The following DCP1A variants were observed in gnomAD, a reference collection of about 807,000 sequenced individuals.
DCP1A encodes the protein decapping mRNA 1A, also known as mRNA-decapping enzyme 1A.
A neutral mutation model predicts 58.0 loss-of-function variants in DCP1A; 20 were observed. The observed-to-expected ratio is 0.34, with a 90% CI of 0.24 to 0.50. The LOEUF is 0.50. Among genes scored for constraint, DCP1A ranks in the 20% least tolerant of loss-of-function variants. DCP1A has a pLI of 0.98. For missense variants in DCP1A, 613 were observed against 712.2 expected, an observed-to-expected ratio of 0.86 and a Z score of 1.59; for synonymous variants, 285 against 275.1, an observed-to-expected ratio of 1.04 and a Z score of -0.36.
intron 1 of DCP1A, among the ~76,000 whole-genome samples, chr3:53,346,439 G>A (rs782715562): frequency 2.6e-5 from 4 of 152,110 alleles, no homozygotes; most frequent in African/African-American, 4.8e-5. Flanking sequence ...TAAGGATTTC[G>A]TATCTTATTG....
In DCP1A at chr3:53,292,677, G is replaced by T; in HGVS notation, c.775C>A (p.Pro259Thr). Residue 259 changes from proline to threonine, a missense_variant, in exon 7 of 10, where the codon CCA becomes ACA. This residue lies in a region of DCP1A where 498 missense variants were observed against 556.7 expected (regional missense o/e 0.89). Coordinates refer to ENST00000610213, the MANE Select transcript of DCP1A (RefSeq NM_018403.7). Reference protein sequence around the residue: ...ASQKEPNSFLPFPFEQLGGAP... With the variant: ...ASQKEPNSFLTFPFEQLGGAP... ...CCTCCTAACTGCTCAAAGGGAAATG[G>T]TAGGAATGAATTGGGCTCTTTCTGG... 4 of 1,613,724 alleles carry T rather than the reference G, an allele frequency of 2.5e-6. No homozygotes were observed. The highest frequency in any genetic ancestry group is 2.5e-6 in the Non-Finnish European group (3 of 1,179,804).
At chr3:53,293,758 A>G (rs1426489592) in intron 6 of DCP1A, among the ~76,000 whole-genome samples, 5 of 152,270 alleles carry the variant, frequency 3.3e-5, no homozygotes, top group Non-Finnish European at 5.9e-5. Context: ...TATCAATATT[A>G]TAAGACTATG....
rs1167830951 is a variant in DCP1A, at chr3:53,314,667, C to CTTTTTTT, written c.372-2295_372-2289dup. ...AGAGAAGAATATTTCTTTTCTTTTTCTTTTTTTTTTTTTTTTTTTTTTGAG... is the reference window on the plus strand; with the variant it reads ...AGAGAAGAATATTTCTTTTCTTTTTCTTTTTTTTTTTTTTTTTTTTTTTTTTTTTGAG... On this transcript the variant is annotated intron_variant, in intron 4 of 9. Coordinates refer to ENST00000610213, the MANE Select transcript of DCP1A (RefSeq NM_018403.7). 7.8e-3 allele frequency among the ~76,000 whole-genome samples: 674 copies of CTTTTTTT among 86,632 alleles called. 3 individuals carry two copies. The highest frequency in any genetic ancestry group is 9.9e-3 in the Non-Finnish European group (464 of 46,740). 56.8% of individuals were successfully genotyped at this position (86,632 alleles called of 152,430 possible). A position where few individuals can be genotyped will look rare whatever the true frequency, so the allele number is the denominator to read the frequency against.
chr3:53,335,800 CT>C (rs1217711371), intron 3 of DCP1A, among the ~76,000 whole-genome samples: 30 of 151,846 alleles, frequency 2.0e-4, no homozygotes, highest in African/African-American at 2.2e-4. Context: ...TCAAATCTTC[CT>C]TTTTTTTAAT....
intron 7 of DCP1A, among the ~76,000 whole-genome samples, chr3:53,291,110 C>A (rs1256309742): frequency 1.4e-5 from 2 of 145,136 alleles, no homozygotes; most frequent in Non-Finnish European, 3.1e-5. Context: ...GGGGTGTGTG[C>A]AGAGCCTTTC....
chr3:53,293,788 G>A (rs782709486), intron 6 of DCP1A, among the ~76,000 whole-genome samples: 2 of 152,148 alleles, frequency 1.3e-5, no homozygotes, highest in Non-Finnish European at 2.9e-5. Flanking sequence ...CATTTCTACA[G>A]GAAAACAAAC....
chr3:53,332,705 A>G (rs1434114697), intron 3 of DCP1A, among the ~76,000 whole-genome samples: 1 of 152,110 alleles, frequency 6.6e-6, no homozygotes, highest in Non-Finnish European at 1.5e-5. Flanking sequence ...TTTACTAAAA[A>G]TACCAAAAAA....
rs782729017 is a variant in DCP1A, at chr3:53,288,224, G to A, written c.1509C>T (p.Ala503=). The A allele has an allele frequency of 6.2e-6, 10 of 1,613,810 alleles. No individual in the cohort carries two copies. Among genetic ancestry groups the A allele is most frequent in the Non-Finnish European group, 8.5e-6 (10 of 1,179,840 alleles). The change falls in exon 9 of 10, where the codon GCC becomes GCT. Residue 503 remains alanine (A), a synonymous_variant. Coordinates refer to ENST00000610213, the MANE Select transcript of DCP1A (RefSeq NM_018403.7). ...TAACTGTCTGCTGGAAAACACTTGG[G>A]GCCAGCAGGACTGAAGACACTGCAG... ...TTTAVSSVLL[A]PSVFQQTVTR...
rs1553686278 is a variant in DCP1A at position 53,292,569 on chromosome 3, T to G, written c.883A>C (p.Thr295Pro). The change falls in exon 7 of 10, where the codon ACT becomes CCT. Residue 295 changes from threonine to proline, a missense_variant. Around this residue, in one of 3 missense-constraint regions of DCP1A, gnomAD observed 498 missense variants for 556.7 expected, o/e 0.89. Transcript: ENST00000610213. The stretch of plus-strand genomic sequence containing the variant: ...TTGGACTGTGTGATGGAGGCTGGAG[T>G]GATTAGCACCGGGGTGGTGATTTCA... Reference protein sequence around the residue: ...QPEITTPVLITPASITQSNEK... With the variant: ...QPEITTPVLIPPASITQSNEK... 1 of 1,613,360 alleles carries G rather than the reference T, an allele frequency of 6.2e-7. No homozygotes were observed. The highest frequency in any genetic ancestry group is 1.1e-5 in the South Asian group (1 of 91,058).
At chr3:53,333,052 TTC>T (rs797025876) in intron 3 of DCP1A, 7 of 152,218 alleles carry the variant, frequency 4.6e-5, no homozygotes, top group African/African-American at 1.7e-4. Context: ...GGATTTTTTT[TTC>T]TTTTTTCTCC....
intron 7 of DCP1A, 145 bp from the exon 8 acceptor site, chr3:53,291,001 C>G (rs144668652): frequency 1.4e-6 from 1 of 734,286 alleles, no homozygotes; most frequent in South Asian, 1.7e-5. Flanking sequence ...TTCCTAGATT[C>G]CCAAGGGAAG....
chr3:53,315,874 C>A (rs1204358431), intron 4 of DCP1A, among the ~76,000 whole-genome samples: 1 of 151,116 alleles, frequency 6.6e-6, no homozygotes, highest in African/African-American at 2.4e-5. Flanking sequence ...CTGCCTCAGC[C>A]TCCTGAGTAG....
intron 3 of DCP1A, among the ~76,000 whole-genome samples, chr3:53,319,905 G>A (rs1360240462): frequency 3.3e-5 from 5 of 152,034 alleles, no homozygotes; most frequent in South Asian, 2.1e-4. Flanking sequence ...TGAGGTGGGC[G>A]GATCACTTGA....
chr3:53,298,914 A>C (rs1375197260), intron 6 of DCP1A, among the ~76,000 whole-genome samples: 1 of 152,242 alleles, frequency 6.6e-6, no homozygotes, highest in Non-Finnish European at 1.5e-5. Context: ...GTGTGTTACA[A>C]GTGCCTATAA....
chr3:53,307,762 T>A (rs1203524484), intron 5 of DCP1A, among the ~76,000 whole-genome samples: 1 of 152,216 alleles, frequency 6.6e-6, no homozygotes, highest in East Asian at 1.9e-4. Flanking sequence ...GATCTACCAA[T>A]TCCATTTAAA....
In DCP1A at chr3:53,284,199, A is replaced by C. The variant is rs982465252; in HGVS notation, c.*3381T>G. The C allele has an allele frequency of 6.6e-6, 1 of 152,174 alleles. No homozygotes were observed. 9.4% of individuals were successfully genotyped at this position (152,174 alleles called of 1,614,324 possible). ...CCCACTCGTGCCTGTGCCACCTCTC[A>C]TTCCTCTCAGAGTTACAGTATGATG... On this transcript the variant is annotated 3_prime_UTR_variant, in exon 10 of 10. Coordinates refer to ENST00000610213, the MANE Select transcript of DCP1A (RefSeq NM_018403.7).
intron 6 of DCP1A, among the ~76,000 whole-genome samples, chr3:53,294,393 G>A (rs994381972): frequency 1.3e-5 from 2 of 152,128 alleles, no homozygotes; most frequent in Non-Finnish European, 2.9e-5. Flanking sequence ...CTGGGTATTG[G>A]GTGGTGGTAT....
At position 53,347,475 on chromosome 3, in the gene DCP1A, C is replaced by A. The variant is rs2089307585; in HGVS notation, c.43G>T (p.Ala15Ser). The A allele has an allele frequency of 6.2e-7, 1 of 1,613,536 alleles. No individual in the cohort carries two copies. The highest frequency in any genetic ancestry group is 8.5e-7 in the Non-Finnish European group (1 of 1,179,612). ...SRAGQEMSLAALKQHDPYITS... is the reference protein window; with the variant it reads ...SRAGQEMSLASLKQHDPYITS... Reference sequence around the variant, plus strand: ...ATATAGGGGTCGTGTTGCTTCAGGGCCGCTAGGCTCATCTCCTGCCCAGCT... The same window carrying A: ...ATATAGGGGTCGTGTTGCTTCAGGGACGCTAGGCTCATCTCCTGCCCAGCT... Residue 15 changes from alanine to serine, a missense_variant, in exon 1 of 10, where the codon GCC becomes TCC. Transcript: ENST00000610213.
intron 4 of DCP1A, among the ~76,000 whole-genome samples, chr3:53,318,576 G>A (rs1553689537): frequency 6.6e-6 from 1 of 152,168 alleles, no homozygotes; most frequent in Non-Finnish European, 1.5e-5. Context: ...CAGGCCCCCT[G>A]AAGCCCCGTG....
Sources: allele counts gnomAD v4.1 joint callset (sites outside exome capture counted in the v4.1 genomes callset), GRCh38; gene constraint gnomAD v4.1.1; regional missense constraint gnomAD v4.1.1; transcripts MANE v1.5; gene names NCBI Gene and HGNC (gene_info 2026-07-23, HGNC 2026-07-21).